AGMO: variants seen among roughly 807,000 people sequenced by gnomAD.
AGMO encodes the protein alkylglycerol monooxygenase, also known as glyceryl-ether monooxygenase.
AGMO carries 75 observed loss-of-function variants against 60.2 expected under a neutral mutation model. The ratio of observed to expected loss-of-function variants is 1.25; its 90% confidence interval spans 1.03 to 1.51. AGMO has a LOEUF of 1.51. Ranked by LOEUF, AGMO falls within the 40% of genes most tolerant of loss-of-function variation. AGMO has a pLI of 0.00. For missense variants in AGMO, 763 were observed against 525.5 expected, an observed-to-expected ratio of 1.45 and a Z score of -4.42; for synonymous variants, 261 against 177.1, an observed-to-expected ratio of 1.47 and a Z score of -3.76.
chr7:15,213,834 G>A lies in AGMO; in HGVS notation c.1264-12475C>T, dbSNP rs967639246. On this transcript the variant is annotated intron_variant, in intron 12 of 12. Coordinates refer to ENST00000342526, the MANE Select transcript of AGMO (RefSeq NM_001004320.2). ...CATCAGCAGTAGCAATAACTCTTATGAAAATTTTGCAAAGGCAAGTACTCA... is the reference window on the plus strand; with the variant it reads ...CATCAGCAGTAGCAATAACTCTTATAAAAATTTTGCAAAGGCAAGTACTCA... Among the ~76,000 whole-genome samples the A allele has an allele frequency of 3.3e-5, 5 of 152,072 alleles. No homozygotes were observed. The East Asian group carries it at 5.8e-4, about 18-fold the overall frequency.
At chr7:15,332,687 G>C (rs144594674) in intron 12 of AGMO, among the ~76,000 whole-genome samples, 1 of 152,126 alleles carries the variant, frequency 6.6e-6, no homozygotes, top group African/African-American at 2.4e-5. Context: ...TAAATGAAGC[G>C]AGAGACCCAT....
chr7:15,548,257 A>G (rs1332167387), intron 2 of AGMO, among the ~76,000 whole-genome samples: 27 of 152,216 alleles, frequency 1.8e-4, no homozygotes, highest in East Asian at 7.7e-4. Flanking sequence ...AACGCAGAGC[A>G]CCTCTCCTCC....
intron 12 of AGMO, among the ~76,000 whole-genome samples, chr7:15,286,101 A>G (rs962865632): frequency 3.9e-5 from 6 of 152,168 alleles, no homozygotes; most frequent in African/African-American, 1.4e-4. Flanking sequence ...CTTAAAGCTA[A>G]GACCTGAAAC....
chr7:15,340,069 C>T (rs7789420), intron 12 of AGMO, among the ~76,000 whole-genome samples: 4,842 of 152,148 alleles, frequency 0.032, 291 homozygotes, highest in African/African-American at 0.11. Context: ...TAGAAGTTTC[C>T]GATTTTTTTG....
intron 12 of AGMO, among the ~76,000 whole-genome samples, chr7:15,354,776 C>G (rs1366018089): frequency 6.6e-6 from 1 of 150,614 alleles, no homozygotes; most frequent in Non-Finnish European, 1.5e-5. Flanking sequence ...TGCTAATAAC[C>G]CCAGTGTTTA....
chr7:15,372,115 T>C (rs1213676443), intron 10 of AGMO, among the ~76,000 whole-genome samples: 4 of 151,402 alleles, frequency 2.6e-5, no homozygotes, highest in Middle Eastern at 3.4e-3. Flanking sequence ...ATAGTATCCT[T>C]TGATAGACTA....
At chr7:15,488,073 C>T (rs1422821126) in intron 3 of AGMO, among the ~76,000 whole-genome samples, 1 of 152,082 alleles carries the variant, frequency 6.6e-6, no homozygotes, top group Non-Finnish European at 1.5e-5. Context: ...GGAAGGAGCA[C>T]ATTTTATTGC....
intron 12 of AGMO, among the ~76,000 whole-genome samples, chr7:15,296,519 A>C (rs963098266): frequency 5.3e-5 from 8 of 152,116 alleles, no homozygotes; most frequent in African/African-American, 1.9e-4. Context: ...TTTCCAAGAG[A>C]AGACAGCCAC....
At chr7:15,140,076 T>C in the AGMO span, among the ~76,000 whole-genome samples, 3 of 150,744 alleles carry the variant, frequency 2.0e-5, no homozygotes, top group Non-Finnish European at 4.4e-5. Context: ...CTATAGGAAA[T>C]AAAATATAAA....
At chr7:15,168,506 G>A in the AGMO span, among the ~76,000 whole-genome samples, 2 of 152,114 alleles carry the variant, frequency 1.3e-5, no homozygotes, top group African/African-American at 4.8e-5. Flanking sequence ...GAGCTAAGAC[G>A]GGAATTGTGG....
At chr7:15,553,716 A>T (rs1359281706) in intron 2 of AGMO, among the ~76,000 whole-genome samples, 3 of 151,014 alleles carry the variant, frequency 2.0e-5, no homozygotes, top group Non-Finnish European at 2.9e-5. Flanking sequence ...AAAAAAATAC[A>T]TAAATAAATA....
At chr7:15,218,325 GTA>G (rs1237363426) in intron 12 of AGMO, among the ~76,000 whole-genome samples, 28 of 125,228 alleles carry the variant, frequency 2.2e-4, no homozygotes, top group South Asian at 2.6e-4. Context: ...TATGGTGTGT[GTA>G]TGTGTGTGTG....
intron 3 of AGMO, among the ~76,000 whole-genome samples, chr7:15,530,561 C>CTATATATATTCTATATATGTATTTCTA (rs1784281726): frequency 1.3e-5 from 1 of 74,332 alleles, no homozygotes; most frequent in Non-Finnish European, 2.4e-5. Context: ...ATACGTATTT[C>CTATATATATTCTATATATGTATTTCTA]TATATATATT....
chr7:15,410,339 T>G (rs1784805489), intron 5 of AGMO, among the ~76,000 whole-genome samples: 1 of 151,796 alleles, frequency 6.6e-6, no homozygotes, highest in African/African-American at 2.4e-5. Context: ...TATGTTGAAC[T>G]TGTCATATGT....
downstream of AGMO, among the ~76,000 whole-genome samples, chr7:15,197,479 A>G (rs2115458943): frequency 6.6e-6 from 1 of 152,346 alleles, no homozygotes; most frequent in South Asian, 2.1e-4. Flanking sequence ...CATGATTAGG[A>G]ATGCACATAT....
chr7:15,286,775 C>T (rs1039632428), intron 12 of AGMO, among the ~76,000 whole-genome samples: 1 of 152,070 alleles, frequency 6.6e-6, no homozygotes, highest in Non-Finnish European at 1.5e-5. Context: ...TCTGCATATA[C>T]ATGTTTGTTA....
At chr7:15,507,843 T>A (rs2128528634) in intron 3 of AGMO, among the ~76,000 whole-genome samples, 1 of 152,218 alleles carries the variant, frequency 6.6e-6, no homozygotes, top group East Asian at 1.9e-4. Flanking sequence ...ATCAAGTGAA[T>A]GCACTGATAC....
chr7:15,543,163 C>G (rs73679651), intron 3 of AGMO, among the ~76,000 whole-genome samples: 5,077 of 152,102 alleles, frequency 0.033, 262 homozygotes, highest in African/African-American at 0.11. Flanking sequence ...TCCTCCACAC[C>G]CACTCAACCA....
At chr7:15,515,402 C>A (rs931338230) in intron 3 of AGMO, among the ~76,000 whole-genome samples, 3 of 152,158 alleles carry the variant, frequency 2.0e-5, no homozygotes, top group African/African-American at 7.2e-5. Flanking sequence ...TCCTTTCTCC[C>A]CACTTCTTCA....
Sources: allele counts gnomAD v4.1 joint callset (sites outside exome capture counted in the v4.1 genomes callset), GRCh38; gene constraint gnomAD v4.1.1; transcripts MANE v1.5; gene names NCBI Gene and HGNC (gene_info 2026-07-23, HGNC 2026-07-21).